The following CDH4 variants were observed in gnomAD, a reference collection of about 807,000 sequenced individuals.
CDH4 encodes cadherin 4.
CDH4 carries 33 observed loss-of-function variants against 86.0 expected under a neutral mutation model. That is an observed-to-expected ratio of 0.38 (90% CI 0.29 to 0.51). CDH4 has a LOEUF of 0.51. Ranked by LOEUF, CDH4 falls within the 20% of genes least tolerant of loss-of-function variation. The pLI is 0.86. For synonymous variants in CDH4, 555 were observed against 549.4 expected, an observed-to-expected ratio of 1.01 and a Z score of -0.14; for missense variants, 1,114 against 1,307.4, an observed-to-expected ratio of 0.85 and a Z score of 2.28.
Position 61,923,389 on chromosome 20 carries a change from C to T in CDH4, c.1375-62C>T, listed in dbSNP as rs6061386. ...TGGAGACCAACCTTCCCATGTGTCC[C>T]CCCATGCCCACTCCCACGGGAGCTG... On this transcript the variant is annotated intron_variant, in intron 9 of 15. Coordinates refer to ENST00000614565, the MANE Select transcript of CDH4 (RefSeq NM_001794.5). 0.024 allele frequency: 38,391 copies of T among 1,567,092 alleles called. 5,601 individuals are homozygous for T. In the African/African-American group the frequency reaches 0.37, roughly 15 times the overall value.
intron 2 of CDH4, among the ~76,000 whole-genome samples, chr20:61,274,119 GA>G (rs1276896392): frequency 7.1e-6 from 1 of 140,836 alleles, no homozygotes; most frequent in African/African-American, 2.7e-5. Context: ...CAGTTTGGGG[GA>G]GTATTGGAGT....
chr20:61,741,737 C>G (rs533774147), intron 2 of CDH4, among the ~76,000 whole-genome samples: 2 of 152,186 alleles, frequency 1.3e-5, no homozygotes, highest in East Asian at 3.9e-4. Flanking sequence ...GTGATCCACC[C>G]TCCTCGGCCT....
intron 2 of CDH4, among the ~76,000 whole-genome samples, chr20:61,276,209 T>G (rs1443945872): frequency 6.6e-6 from 1 of 152,232 alleles, no homozygotes; most frequent in Admixed American, 6.5e-5. Context: ...TTGGATTTTA[T>G]TAATCTATTT....
chr20:61,769,364 C>G (rs532410936), intron 3 of CDH4, among the ~76,000 whole-genome samples: 5 of 152,194 alleles, frequency 3.3e-5, no homozygotes, highest in Non-Finnish European at 7.3e-5. Context: ...GGAGCTCAGA[C>G]CTGTTTCTCC....
chr20:61,683,834 A>C (rs2087545840), intron 2 of CDH4, among the ~76,000 whole-genome samples: 1 of 152,298 alleles, frequency 6.6e-6, no homozygotes, highest in East Asian at 1.9e-4. Context: ...CTGTTCTTGT[A>C]CAAGCCTGTG....
chr20:61,444,067 TGTGTC>T lies in CDH4; in HGVS notation c.169+189131_169+189135del, dbSNP rs1435810973. On this transcript the variant is annotated intron_variant, in intron 2 of 15. Transcript: ENST00000614565. Reference sequence around the variant, plus strand: ...GTGGATATCTCTGGTTGTCTGTGTGTGTGTCTGTGTGTGTATCTGTCTGTGTGATT... The same window carrying T: ...GTGGATATCTCTGGTTGTCTGTGTGTTGTGTGTGTATCTGTCTGTGTGATT... Among the ~76,000 whole-genome samples the T allele has an allele frequency of 1.6e-3, 234 of 150,142 alleles. 1 individual carries two copies. The highest frequency in any genetic ancestry group is 2.9e-3 in the Non-Finnish European group (197 of 67,460).
intron 7 of CDH4, among the ~76,000 whole-genome samples, chr20:61,875,406 A>C (rs1169813343): frequency 6.6e-6 from 1 of 152,164 alleles, no homozygotes; most frequent in African/African-American, 2.4e-5. Flanking sequence ...GCACGGGCTC[A>C]GGACTCAGAC....
intron 11 of CDH4, 52 bp downstream of exon 11, chr20:61,924,528 G>A: frequency 6.3e-7 from 1 of 1,579,020 alleles, no homozygotes. Context: ...CCGTGTCCTG[G>A]GTTCTGTGGG....
At chr20:61,897,461 TACCAGCACTGACCAGAAATGACCAGCC>T (rs1233288451) in intron 8 of CDH4, among the ~76,000 whole-genome samples, 2 of 151,368 alleles carry the variant, frequency 1.3e-5, no homozygotes, top group Non-Finnish European at 2.9e-5. Flanking sequence ...CACCACCATT[TACCAGCACTGACCAGAAATGACCAGCC>T]ACCAGCACTG....
chr20:61,437,427 C>T (rs565075417), intron 2 of CDH4: 2 of 152,312 alleles, frequency 1.3e-5, no homozygotes, highest in African/African-American at 2.4e-5. Flanking sequence ...AGCAAAAACG[C>T]GGTGACTAGC....
intron 6 of CDH4, among the ~76,000 whole-genome samples, chr20:61,866,918 G>A (rs2146137801): frequency 6.6e-6 from 1 of 152,356 alleles, no homozygotes; most frequent in East Asian, 1.9e-4. Context: ...CCAGAGAGTG[G>A]GATCCTGAGC....
At chr20:61,615,243 T>C (rs1046396901) in intron 2 of CDH4, among the ~76,000 whole-genome samples, 1 of 151,912 alleles carries the variant, frequency 6.6e-6, no homozygotes, top group African/African-American at 2.4e-5. Flanking sequence ...TGTCTCAGCC[T>C]CCCGAGTATC....
intron 2 of CDH4, among the ~76,000 whole-genome samples, chr20:61,400,957 A>G (rs536665180): frequency 6.6e-6 from 1 of 152,232 alleles, no homozygotes; most frequent in South Asian, 2.1e-4. Flanking sequence ...TGCTTTCTTC[A>G]GATCTTCTTT....
At chr20:61,397,157 G>A (rs898296623) in intron 2 of CDH4, among the ~76,000 whole-genome samples, 7 of 152,072 alleles carry the variant, frequency 4.6e-5, no homozygotes, top group Middle Eastern at 3.2e-3. Context: ...CAATCCACCC[G>A]CTTCAGCCTC....
At chr20:61,782,855 G>A (rs745379655) in intron 4 of CDH4, among the ~76,000 whole-genome samples, 2 of 152,200 alleles carry the variant, frequency 1.3e-5, no homozygotes, top group Non-Finnish European at 2.9e-5. Context: ...AGGCCGAGGT[G>A]GACGTACCAC....
At chr20:61,524,428 G>A (rs893190861) in intron 2 of CDH4, among the ~76,000 whole-genome samples, 3 of 152,132 alleles carry the variant, frequency 2.0e-5, no homozygotes, top group African/African-American at 7.2e-5. Context: ...AGCAGAGGAA[G>A]CTGGGTGAGG....
intron 2 of CDH4, among the ~76,000 whole-genome samples, chr20:61,611,044 G>A (rs1326162593): frequency 6.6e-6 from 1 of 152,020 alleles, no homozygotes; most frequent in Non-Finnish European, 1.5e-5. Context: ...AAGCAAGAGG[G>A]GCTGCAGCTG....
intron 2 of CDH4, among the ~76,000 whole-genome samples, chr20:61,353,546 A>G (rs2123304734): frequency 8.5e-6 from 1 of 118,258 alleles, no homozygotes; most frequent in South Asian, 3.0e-4. Flanking sequence ...CTGAGAGTGG[A>G]CATCTCTCAG....
intron 2 of CDH4, among the ~76,000 whole-genome samples, chr20:61,665,066 C>A (rs534858629): frequency 2.0e-5 from 3 of 152,330 alleles, no homozygotes; most frequent in Admixed American, 2.0e-4. Flanking sequence ...GTGGGGACGT[C>A]GCTGGCACGG....
Sources: gnomAD v4.1 joint callset for allele counts (sites outside exome capture counted in the v4.1 genomes callset) on GRCh38, gnomAD v4.1.1 for gene constraint, MANE v1.5 for transcripts, NCBI Gene and HGNC (gene_info 2026-07-23, HGNC 2026-07-21) for gene names.